The following ABCC3 variants were observed in gnomAD, a reference collection of about 807,000 sequenced individuals.
ABCC3 encodes the protein ATP binding cassette subfamily C member 3, also known as ATP-binding cassette sub-family C member 3.
ABCC3 carries 121 observed loss-of-function variants against 165.3 expected under a neutral mutation model. The ratio of observed to expected loss-of-function variants is 0.73; its 90% CI spans 0.63 to 0.85. The LOEUF (loss-of-function observed/expected upper bound fraction) is 0.85, where lower values mean the gene tolerates loss of function less well. Among genes scored for constraint, ABCC3 ranks in the 40% least tolerant of loss-of-function variants. The probability of loss-of-function intolerance (pLI) is 0.00; values close to 1 mark genes in which losing one functional copy is unlikely to be tolerated. For synonymous variants in ABCC3, 733 were observed against 810.1 expected (o/e 0.90, Z 1.62); for missense variants, 1,869 against 1,964.1 (o/e 0.95, Z 0.92).
At chr17:50,658,060 G>A (rs964303027) in intron 4 of ABCC3, 22 bp from the exon 5 acceptor site, 16 of 1,613,714 alleles carry the variant, frequency 9.9e-6, no homozygotes, top group South Asian at 3.3e-5. Flanking sequence ...TGCTTCTGAC[G>A]CCCCTCCACT....
intron 17 of ABCC3, 34 bp downstream of exon 17, chr17:50,669,562 G>C (rs4794176): frequency 0.86 from 1,383,508 of 1,608,846 alleles, 595,945 homozygotes; most frequent in Middle Eastern, 0.91. Flanking sequence ...AAGAGGCTAG[G>C]GCATAGAGCT....
rs377078216 is a variant in ABCC3 at position 50,676,315 on chromosome 17, G to A, written c.3105G>A (p.Ala1035=). The A allele has an allele frequency of 9.9e-6, 16 of 1,613,828 alleles. No homozygotes were observed. The highest frequency in any genetic ancestry group is 8.0e-5 in the African/African-American group (6 of 74,906). Residue 1035 remains alanine, a synonymous_variant, in exon 23 of 31, where the codon GCG becomes GCA. Transcript: ENST00000285238. ...TGCTGGCAGCCATGGCCATGGCAGC[G>A]GGTGGCATCCAGGCTGCCCGTGTGT... ...LVMLAAMAMA[A]GGIQAARVLH...
rs1326302648 is a variant in ABCC3, at chr17:50,684,001, T to C, written c.4007T>C (p.Leu1336Pro). ...GAGKSSMTLC[L>P]FRILEAAKGE... ...GGCAAGTCTTCCATGACCCTTTGCC[T>C]GTTCCGCATCCTGGAGGCGGCAAAG... Residue 1336 changes from leucine to proline, a missense_variant, in exon 28 of 31, where the codon CTG (leucine) becomes CCG (proline). Coordinates refer to ENST00000285238, the MANE Select transcript of ABCC3 (RefSeq NM_003786.4). The C allele has an allele frequency of 8.1e-6, 13 of 1,613,150 alleles. No individual in the cohort carries two copies. Among genetic ancestry groups the C allele is most frequent in the Non-Finnish European group, 1.1e-5 (13 of 1,179,696 alleles).
chr17:50,641,691 T>C (rs977654050), intron 1 of ABCC3, among the ~76,000 whole-genome samples: 1 of 152,220 alleles, frequency 6.6e-6, no homozygotes, highest in Non-Finnish European at 1.5e-5. Context: ...AACTGCAGAA[T>C]ACAGAGCTAA....
Position 50,668,338 on chromosome 17 carries a change from C to G in ABCC3, c.1783-92C>G. ...CTAGTGTCTGGGCCCTCAGGGGGTC[C>G]TGCCTAGCCCAGGATGCTGGGGATG... On this transcript the variant is annotated intron_variant, in intron 13 of 30. Transcript: ENST00000285238. The G allele has an allele frequency of 2.6e-6, 3 of 1,141,736 alleles. No homozygotes were observed. The Admixed American group carries it at 5.6e-5, about 21-fold the overall frequency. 70.7% of individuals were successfully genotyped at this position (1,141,736 alleles called of 1,614,324 possible). A position where few individuals can be genotyped will look rare whatever the true frequency, so the allele number is the denominator to read the frequency against.
At chr17:50,678,352 A>T in intron 25 of ABCC3, 133 bp downstream of exon 25, 1 of 895,092 alleles carries the variant, frequency 1.1e-6, no homozygotes, top group Non-Finnish European at 1.5e-6. Flanking sequence ...AAGGACTGTG[A>T]GAAAAAAAAA....
chr17:50,675,563 C>T, intron 20 of ABCC3, 68 bp from the exon 21 acceptor site: 1 of 1,562,376 alleles, frequency 6.4e-7, no homozygotes, highest in Non-Finnish European at 8.7e-7. Flanking sequence ...TTCTCCCTGA[C>T]ACTCCCAGCC....
At position 50,673,621 on chromosome 17, in the gene ABCC3, C is replaced by G. The variant is rs760551230; in HGVS notation, c.2562C>G (p.Pro854=). Residue 854 remains proline (P), a synonymous_variant, in exon 19 of 31, where the codon CCC becomes CCG. Transcript: ENST00000285238. ...CCAACTTTCTCTGCAACTATGCCCC[C>G]GATGAGGACCAAGGGCACCTGGAGG... The part of the protein sequence containing the change: ...SFANFLCNYA[P]DEDQGHLEDS... 1.2e-6 allele frequency: 2 copies of G among 1,614,196 alleles called. No individual in the cohort carries two copies. Among genetic ancestry groups the G allele is most frequent in the Non-Finnish European group, 1.7e-6 (2 of 1,180,038 alleles).
At chr17:50,676,706 G>A (rs1237964074) in intron 23 of ABCC3, 118 bp downstream of exon 23, 2 of 979,728 alleles carry the variant, frequency 2.0e-6, no homozygotes, top group African/African-American at 3.3e-5. Context: ...TTTTGTTAGG[G>A]GCAGTCGTTG....
chr17:50,670,061 A>G lies in ABCC3; in HGVS notation c.2241+533A>G, dbSNP rs550628244. ...CTCCCAGAGTACTGGGATTACAGGC[A>G]TGAGCTGCTGCACCTGGCTGAGCAT... is the stretch of plus-strand genomic sequence containing the variant. On this transcript the variant is annotated intron_variant, in intron 17 of 30. Coordinates refer to ENST00000285238, the MANE Select transcript of ABCC3 (RefSeq NM_003786.4). Among the ~76,000 whole-genome samples, 36 of 152,028 alleles carry G rather than the reference A, an allele frequency of 2.4e-4. 1 individual carries two copies. The South Asian group carries it at 7.3e-3, about 31-fold the overall frequency.
chr17:50,635,225 C>G, intron 1 of ABCC3: 1 of 627,838 alleles, frequency 1.6e-6, no homozygotes, highest in Admixed American at 2.7e-5. Context: ...CACTGGGGAG[C>G]CCGGGAAAGT....
rs1967728706 is a variant in ABCC3, at chr17:50,673,983, TCTCTCTC to T, written c.2599+326_2599+332del. ...TTCTTTCTTTCTTTCTTTCTTTCTC[TCTCTCTC>T]TCTCTCTCTCTCTCTCTCTCTCTCT... is the stretch of plus-strand genomic sequence containing the variant. On this transcript the variant is annotated intron_variant, in intron 19 of 30. Transcript: ENST00000285238. Among the ~76,000 whole-genome samples the T allele has an allele frequency of 8.5e-3, 42 of 4,954 alleles. 5 individuals are homozygous for T. Among genetic ancestry groups the T allele is most frequent in the Middle Eastern group, 0.071 (1 of 14 alleles). The allele number at this position is 4,954 out of a possible 152,430, so 3.3% of individuals were successfully genotyped here.
chr17:50,673,679 T>C, intron 19 of ABCC3, 21 bp downstream of exon 19: 1 of 1,611,938 alleles, frequency 6.2e-7, no homozygotes, highest in South Asian at 1.1e-5. Context: ...TCCTGGGCCC[T>C]CTGATTCCCA....
At chr17:50,684,286 T>G (rs1477262500) in intron 28 of ABCC3, among the ~76,000 whole-genome samples, 179 bp downstream of exon 28, 1 of 152,098 alleles carries the variant, frequency 6.6e-6, no homozygotes, top group East Asian at 1.9e-4. Context: ...TCTGGAAAGC[T>G]CAGACTTACC....
In ABCC3 at chr17:50,676,151, C is replaced by T. The variant is rs528411315; in HGVS notation, c.3067+61C>T. 118 of 1,599,392 alleles carry T rather than the reference C, an allele frequency of 7.4e-5. No individual in the cohort carries two copies. In the East Asian group the frequency reaches 1.6e-3, roughly 22 times the overall value. On this transcript the variant is annotated intron_variant, in intron 22 of 30. Coordinates refer to ENST00000285238, the MANE Select transcript of ABCC3 (RefSeq NM_003786.4). The stretch of plus-strand genomic sequence containing the variant: ...ATCCCTTCTTCTCTGGGCTGCCAGG[C>T]CCCCCAAACCGTGCCCTTGCATCCA...
At chr17:50,650,201 G>A (rs186648055) in intron 1 of ABCC3, among the ~76,000 whole-genome samples, 1 of 152,190 alleles carries the variant, frequency 6.6e-6, no homozygotes, top group Admixed American at 6.5e-5. Context: ...CGCCTCCCGG[G>A]TTCAAGTGAT....
At chr17:50,645,472 G>A (rs763019445) in intron 1 of ABCC3, among the ~76,000 whole-genome samples, 23 of 151,820 alleles carry the variant, frequency 1.5e-4, no homozygotes, top group Non-Finnish European at 7.4e-5. Flanking sequence ...AAGGCCAGCT[G>A]TGGGCTTTGA....
chr17:50,638,355 A>G (rs1567823012), intron 1 of ABCC3, among the ~76,000 whole-genome samples: 1 of 152,188 alleles, frequency 6.6e-6, no homozygotes, highest in Non-Finnish European at 1.5e-5. Flanking sequence ...AAGCTTAGAA[A>G]TCTGAAGATC....
intron 1 of ABCC3, among the ~76,000 whole-genome samples, chr17:50,645,004 C>T (rs552392762): frequency 2.6e-5 from 4 of 151,560 alleles, no homozygotes; most frequent in Non-Finnish European, 5.9e-5. Flanking sequence ...GGCGACAGAG[C>T]GAGACTCCGT....
Sources: allele counts gnomAD v4.1 joint callset (sites outside exome capture counted in the v4.1 genomes callset), GRCh38; gene constraint gnomAD v4.1.1; transcripts MANE v1.5; gene names NCBI Gene and HGNC (gene_info 2026-07-23, HGNC 2026-07-21).